ARX: variants seen among roughly 807,000 people sequenced by gnomAD.
ARX encodes the protein aristaless related homeobox, also known as homeobox protein ARX.
ARX carries 1 observed loss-of-function variant against 23.1 expected under a neutral mutation model. The observed-to-expected ratio is 0.04, with a 90% CI of 0.02 to 0.21. The LOEUF (loss-of-function observed/expected upper bound fraction) is 0.21. ARX is among the 10% of genes least tolerant of loss of function. ARX has a pLI of 1.00. For synonymous variants in ARX, 301 were observed against 270.1 expected (o/e 1.11, Z -1.12); for missense variants, 380 against 527.5 (o/e 0.72, Z 2.74).
chrX:25,004,692 C>G lies in ARX; in HGVS notation c.1667G>C (p.Ser556Thr). 8.6e-7 allele frequency: 1 copy of G among 1,165,146 alleles called. No homozygotes were observed. The highest frequency in any genetic ancestry group is 1.1e-6 in the Non-Finnish European group (1 of 872,646). Reference sequence around the variant, plus strand: ...CCTTTAGCACACCTCCTTGCCCGTGCTGGTGCCCGGCAGGATGTTGAGCTG... The same window carrying G: ...CCTTTAGCACACCTCCTTGCCCGTGGTGGTGCCCGGCAGGATGTTGAGCTG... ...LTQLNILPGT[S>T]TGKEVC The change falls in exon 5 of 5, where the codon AGC becomes ACC. Residue 556 changes from serine to threonine, a missense_variant. Ser to Thr is a moderately conservative substitution (Grantham distance 58). This residue lies in a region of ARX where 121 missense variants were observed against 169.7 expected (regional missense o/e 0.71). Transcript: ENST00000379044.
chrX:25,010,625 G>T (rs1381692827), intron 2 of ARX, among the ~76,000 whole-genome samples: 1 of 111,929 alleles, frequency 8.9e-6, no homozygotes, highest in Non-Finnish European at 1.9e-5. Context: ...TTAAGCCAGA[G>T]TTAGACAACA....
At chrX:25,013,954 A>G (rs1439548590) in intron 1 of ARX, among the ~76,000 whole-genome samples, 156 bp from the exon 2 acceptor site, 2 of 111,253 alleles carry the variant, frequency 1.8e-5, no homozygotes, top group Admixed American at 1.9e-4. Context: ...CTCTTTCTCC[A>G]CTTTTCTTGC....
chrX:25,013,844 C>T, intron 1 of ARX, 46 bp from the exon 2 acceptor site: 3 of 899,260 alleles, frequency 3.3e-6, no homozygotes, highest in Non-Finnish European at 2.7e-6. Flanking sequence ...GCCGGGGAGT[C>T]CCAGCCAGGG....
At chrX:25,011,366 AGGTGGG>A in intron 2 of ARX, among the ~76,000 whole-genome samples, 1 of 99,061 alleles carries the variant, frequency 1.0e-5, no homozygotes, top group Non-Finnish European at 2.0e-5. Context: ...GGTTGGAAAG[AGGTGGG>A]GGTGGGGCGG....
chrX:25,013,174 A>G lies in ARX; in HGVS notation c.821T>C (p.Val274Ala), dbSNP rs375289776. ...CACTGCAGCGGCAGCTGCTGCGGCC[A>G]CGGCGCCAGTGGCGGCCACAGGACA... ...RRCPVAATGA[V>A]AAAAAAAVAT... Residue 274 changes from valine to alanine, a missense_variant, in exon 2 of 5, where the codon GTG (valine) becomes GCG (alanine). Val to Ala is a moderately conservative substitution (Grantham distance 64). Around this residue, in one of 3 missense-constraint regions of ARX, gnomAD observed 235 missense variants for 270.2 expected, o/e 0.87. Transcript: ENST00000379044. 24 of 1,188,655 alleles carry G rather than the reference A, an allele frequency of 2.0e-5. No individual in the cohort carries two copies. Among genetic ancestry groups the G allele is most frequent in the Middle Eastern group, 3.0e-4 (1 of 3,302 alleles).
At position 25,004,523 on chromosome X, in the gene ARX, C is replaced by T; in HGVS notation, c.*147G>A. On this transcript the variant is annotated 3_prime_UTR_variant, in exon 5 of 5. Transcript: ENST00000379044. ...CCCGGAGCGCCGAGGGCTGCCATGCCCGCATCCAGACTGCTGTGAAGGCGG... is the reference window on the plus strand; with the variant it reads ...CCCGGAGCGCCGAGGGCTGCCATGCTCGCATCCAGACTGCTGTGAAGGCGG... 5 of 1,029,157 alleles carry T rather than the reference C, an allele frequency of 4.9e-6. No homozygotes were observed. Among genetic ancestry groups the T allele is most frequent in the Non-Finnish European group, 6.5e-6 (5 of 768,662 alleles). The allele number at this position is 1,029,157 out of a possible 1,213,427, so 84.8% of individuals were successfully genotyped here. A position where few individuals can be genotyped will look rare whatever the true frequency, so the allele number is the denominator to read the frequency against.
Position 25,013,775 on chromosome X carries a change from G to C in ARX, c.220C>G (p.Pro74Ala), listed in dbSNP as rs1235067450. ...GGCAGGTGCAGCTCGGCCTCGAACG[G>C]GGCGCTGCTGCTCTTAGGGGAGCCT... ...VQGSPKSSSA[P>A]FEAELHLPPK... The change falls in exon 2 of 5, where the codon CCG becomes GCG. Residue 74 changes from proline (P) to alanine (A), a missense_variant. Physicochemically the swap from Pro to Ala is conservative, Grantham distance 27. Transcript: ENST00000379044. 3.2e-5 allele frequency: 30 copies of C among 927,541 alleles called. No homozygotes were observed. The highest frequency in any genetic ancestry group is 3.6e-5 in the Non-Finnish European group (27 of 749,759). 76.4% of individuals were successfully genotyped at this position (927,541 alleles called of 1,213,427 possible).
intron 2 of ARX, among the ~76,000 whole-genome samples, chrX:25,011,697 G>T (rs918672960): frequency 4.4e-5 from 5 of 113,214 alleles, no homozygotes; most frequent in Admixed American, 1.9e-4. Context: ...TCTGTTTCTG[G>T]TTGGGAGAGA....
chrX:25,011,160 G>C (rs774303151), intron 2 of ARX, among the ~76,000 whole-genome samples: 6 of 112,317 alleles, frequency 5.3e-5, no homozygotes, highest in Non-Finnish European at 1.9e-5. Flanking sequence ...ATGAAAGAGC[G>C]GGGCCGCCGA....
In ARX at chrX:25,013,766, C is replaced by T. The variant is rs1327892955; in HGVS notation, c.229G>A (p.Ala77Thr). ...AGCTTGGGCGGCAGGTGCAGCTCGG[C>T]CTCGAACGGGGCGCTGCTGCTCTTA... ...SPKSSSAPFE[A>T]ELHLPPKLRR... Residue 77 changes from alanine to threonine, a missense_variant, in exon 2 of 5, where the codon GCC (alanine) becomes ACC (threonine). Ala to Thr is a moderately conservative substitution (Grantham distance 58, BLOSUM62 0). Around this residue, in one of 3 missense-constraint regions of ARX, gnomAD observed 235 missense variants for 270.2 expected, o/e 0.87. Coordinates refer to ENST00000379044, the MANE Select transcript of ARX (RefSeq NM_139058.3). 2 of 929,519 alleles carry T rather than the reference C, an allele frequency of 2.2e-6. No homozygotes were observed. The highest frequency in any genetic ancestry group is 4.2e-5 in the East Asian group (1 of 23,560). The allele number at this position is 929,519 out of a possible 1,213,427, so 76.6% of individuals were successfully genotyped here.
chrX:25,007,908 A>G (rs1375243831), intron 3 of ARX, among the ~76,000 whole-genome samples: 8 of 111,427 alleles, frequency 7.2e-5, no homozygotes, highest in African/African-American at 2.6e-4. Flanking sequence ...CATGCATTCA[A>G]TGGTGACTCT....
At chrX:25,005,212 T>A (rs1251096588) in intron 4 of ARX, among the ~76,000 whole-genome samples, 2 of 111,458 alleles carry the variant, frequency 1.8e-5, no homozygotes, top group Non-Finnish European at 3.8e-5. Flanking sequence ...CCCAGTGGCG[T>A]GGATTCGGTG....
At position 25,013,366 on chromosome X, in the gene ARX, C is replaced by G. The variant is rs752323898; in HGVS notation, c.629G>C (p.Gly210Ala). 6 of 1,140,321 alleles carry G rather than the reference C, an allele frequency of 5.3e-6. No homozygotes were observed. In the African/African-American group the frequency reaches 1.1e-4, roughly 21 times the overall value. 94.0% of individuals were successfully genotyped at this position (1,140,321 alleles called of 1,213,427 possible). A position where few individuals can be genotyped will look rare whatever the true frequency, so the allele number is the denominator to read the frequency against. Reference sequence around the variant, plus strand: ...ACCCGCAGCCGGGGCGCTGCCCGGGCCGCCGGCCACGCCGAGGCGCTCCTC... The same window carrying G: ...ACCCGCAGCCGGGGCGCTGCCCGGGGCGCCGGCCACGCCGAGGCGCTCCTC... ...HPEERLGVAGGPGSAPAAGGG... is the reference protein window; with the variant it reads ...HPEERLGVAGAPGSAPAAGGG... The change falls in exon 2 of 5, where the codon GGC becomes GCC. Residue 210 changes from glycine (G) to alanine (A), a missense_variant. Around this residue, in one of 3 missense-constraint regions of ARX, gnomAD observed 235 missense variants for 270.2 expected, o/e 0.87. Coordinates refer to ENST00000379044, the MANE Select transcript of ARX (RefSeq NM_139058.3).
At chrX:25,007,555 G>A (rs2048684053) in intron 3 of ARX, 116 bp from the exon 4 acceptor site, 4 of 917,443 alleles carry the variant, frequency 4.4e-6, no homozygotes, top group Admixed American at 3.8e-5. Context: ...ACCGCGGCCC[G>A]CGCCCACCTG....
chrX:25,008,503 G>A (rs985876574), intron 3 of ARX, among the ~76,000 whole-genome samples: 4 of 111,776 alleles, frequency 3.6e-5, no homozygotes, highest in African/African-American at 6.5e-5. Context: ...CTGAAACATG[G>A]CAGCTACCAT....
At chrX:25,007,738 G>A (rs1290651174) in intron 3 of ARX, among the ~76,000 whole-genome samples, 1 of 111,968 alleles carries the variant, frequency 8.9e-6, no homozygotes, top group Non-Finnish European at 1.9e-5. Flanking sequence ...TTAGAGTTGG[G>A]GAAACCAAAG....
chrX:25,015,124 G>A (rs1186083801), intron 1 of ARX, among the ~76,000 whole-genome samples: 2 of 111,798 alleles, frequency 1.8e-5, no homozygotes, highest in Non-Finnish European at 3.8e-5. Context: ...ATCTTCCAAA[G>A]AGGAAAGGCC....
At chrX:25,006,737 G>C in intron 4 of ARX, 1 of 132,293 alleles carries the variant, frequency 7.6e-6, no homozygotes, top group Non-Finnish European at 1.5e-5. Context: ...GCATAAGGAA[G>C]AACTTTTGCA....
Position 25,015,746 on chromosome X carries a change from C to CT in ARX, c.-10dup. On this transcript the variant is annotated 5_prime_UTR_variant, in exon 1 of 5. Transcript: ENST00000379044. ...TGGTACTGATTGCTCATGGCTGGGGCTTTTTCCCAGGGCGCAGAGAGCGGA... is the reference window on the plus strand; with the variant it reads ...TGGTACTGATTGCTCATGGCTGGGGCTTTTTTCCCAGGGCGCAGAGAGCGGA... 3.1e-5 allele frequency: 37 copies of CT among 1,189,631 alleles called. No individual in the cohort carries two copies. Among genetic ancestry groups the CT allele is most frequent in the Non-Finnish European group, 4.2e-5 (37 of 882,707 alleles).
Sources: gnomAD v4.1 joint callset for allele counts (sites outside exome capture counted in the v4.1 genomes callset) on GRCh38, gnomAD v4.1.1 for gene constraint, gnomAD v4.1.1 regional missense constraint, MANE v1.5 for transcripts, NCBI Gene and HGNC (gene_info 2026-07-23, HGNC 2026-07-21) for gene names.